The following KCNQ4 variants were observed in gnomAD, a reference collection of about 807,000 sequenced individuals.
KCNQ4 encodes the protein potassium voltage-gated channel subfamily KQT member 4.
In KCNQ4, 31 loss-of-function variants were observed where a neutral mutation model predicts 72.6. The ratio of observed to expected loss-of-function variants is 0.43; its 90% CI spans 0.32 to 0.58. The LOEUF (loss-of-function observed/expected upper bound fraction) is 0.58. Ranked by LOEUF, KCNQ4 falls within the 20% of genes least tolerant of loss-of-function variation. KCNQ4 has a pLI of 0.08. For missense variants in KCNQ4, 869 were observed against 962.6 expected, an observed-to-expected ratio of 0.90 and a Z score of 1.29; for synonymous variants, 405 against 403.7, an observed-to-expected ratio of 1.00 and a Z score of -0.04.
intron 1 of KCNQ4, among the ~76,000 whole-genome samples, chr1:40,803,334 A>G (rs1647641217): frequency 6.6e-6 from 1 of 152,088 alleles, no homozygotes; most frequent in Non-Finnish European, 1.5e-5. Flanking sequence ...ATAAGCTGAG[A>G]CTCAGACACA....
At chr1:40,820,684 T>C (rs1648261987) in intron 7 of KCNQ4, among the ~76,000 whole-genome samples, 1 of 152,198 alleles carries the variant, frequency 6.6e-6, no homozygotes. Flanking sequence ...GAAGAGAGGA[T>C]GGTGCAGACA....
chr1:40,797,759 G>T (rs972403234), intron 1 of KCNQ4, among the ~76,000 whole-genome samples: 1 of 152,070 alleles, frequency 6.6e-6, no homozygotes, highest in Non-Finnish European at 1.5e-5. Flanking sequence ...CCTGCTCAGG[G>T]CCTGGCTCAA....
intron 1 of KCNQ4, among the ~76,000 whole-genome samples, chr1:40,802,634 C>CG (rs1647619385): frequency 6.6e-6 from 1 of 152,090 alleles, no homozygotes; most frequent in African/African-American, 2.4e-5. Flanking sequence ...GAGAAGGAGC[C>CG]CGGGCGGGGG....
chr1:40,819,604 C>T, intron 5 of KCNQ4, 132 bp downstream of exon 5: 1 of 1,234,266 alleles, frequency 8.1e-7, no homozygotes, highest in South Asian at 1.4e-5. Context: ...GAGCTGGGAC[C>T]CCCCTGAGAC....
At chr1:40,830,620 C>G (rs1316522650) in intron 9 of KCNQ4, among the ~76,000 whole-genome samples, 2 of 152,146 alleles carry the variant, frequency 1.3e-5, no homozygotes, top group Non-Finnish European at 2.9e-5. Context: ...CAGCCTGCCC[C>G]TGTGTACAGT....
At position 40,783,789 on chromosome 1, in the gene KCNQ4, C is replaced by T. The variant is rs1208308781; in HGVS notation, c.-305C>T. 1 of 151,840 alleles carries T rather than the reference C, an allele frequency of 6.6e-6. No individual in the cohort carries two copies. The highest frequency in any genetic ancestry group is 1.5e-5 in the Non-Finnish European group (1 of 67,986). 9.4% of individuals were successfully genotyped at this position (151,840 alleles called of 1,614,324 possible). A position where few individuals can be genotyped will look rare whatever the true frequency, so the allele number is the denominator to read the frequency against. ...GGAGGGGCGGGGCGGGGGAGGGTGA[C>T]ATGTGAGCGGCGCGCGCCGGTGGCA... On this transcript the variant is annotated 5_prime_UTR_variant, in exon 1 of 14. Coordinates refer to ENST00000347132, the MANE Select transcript of KCNQ4 (RefSeq NM_004700.4). This position sits in a 1 kb window ranked among gnomAD's most constrained non-coding sequence, Gnocchi z 4.4.
chr1:40,834,956 TC>T lies in KCNQ4; in HGVS notation c.1614-6del. On this transcript the variant is annotated splice_polypyrimidine_tract_variant and intron_variant, in intron 11 of 13. Coordinates refer to ENST00000347132, the MANE Select transcript of KCNQ4 (RefSeq NM_004700.4). Reference sequence around the variant, plus strand: ...AACAGGACACTCCCTCTGAGCCCCCTCCCCCAACAGGATTCTCAAGTTCCTG... The same window carrying T: ...AACAGGACACTCCCTCTGAGCCCCCTCCCCAACAGGATTCTCAAGTTCCTG... 1 of 1,612,208 alleles carries T rather than the reference TC, an allele frequency of 6.2e-7. No individual in the cohort carries two copies.
At chr1:40,790,622 G>A (rs1369004367) in intron 1 of KCNQ4, among the ~76,000 whole-genome samples, 1 of 152,236 alleles carries the variant, frequency 6.6e-6, no homozygotes, top group Non-Finnish European at 1.5e-5. Context: ...GTGAGGCTGG[G>A]TGAGGGGATG....
rs767596088 is a variant in KCNQ4 at position 40,837,843 on chromosome 1, G to A, written c.1875+49G>A. On this transcript the variant is annotated intron_variant, in intron 13 of 13. Transcript: ENST00000347132. ...AGCTGGCCATACCAAGAAGCTCTGG[G>A]GGCCGCGGTGACATGGGGAGGATGC... 1.1e-5 allele frequency: 18 copies of A among 1,575,852 alleles called. No individual in the cohort carries two copies. In the East Asian group the frequency reaches 4.1e-4, roughly 36 times the overall value.
intron 11 of KCNQ4, among the ~76,000 whole-genome samples, chr1:40,834,098 C>A (rs912452816): frequency 6.6e-6 from 1 of 151,862 alleles, no homozygotes; most frequent in African/African-American, 2.4e-5. Context: ...CCTTTTCACC[C>A]ATCCATTCTC....
chr1:40,813,236 C>T (rs151314730), intron 1 of KCNQ4, among the ~76,000 whole-genome samples: 1 of 152,212 alleles, frequency 6.6e-6, no homozygotes, highest in Non-Finnish European at 1.5e-5. Context: ...GGAAGTCCGA[C>T]GAGAGTTTTG....
intron 1 of KCNQ4, among the ~76,000 whole-genome samples, chr1:40,796,889 G>C (rs1179963386): frequency 2.6e-5 from 4 of 151,412 alleles, no homozygotes; most frequent in Non-Finnish European, 2.9e-5. Flanking sequence ...CTGCACTCCA[G>C]CCTGGATGAC....
At position 40,817,786 on chromosome 1, in the gene KCNQ4, T is replaced by G. The variant is rs1205234645; in HGVS notation, c.406-378T>G. On this transcript the variant is annotated intron_variant, in intron 2 of 13. Transcript: ENST00000347132. This position sits in a 1 kb window ranked among gnomAD's most constrained non-coding sequence, Gnocchi z 5.5. ...AACTCCACGTGTGGTGGATTTTAGG[T>G]CAGTTTTTGCCTAAACACAAAACAC... Among the ~76,000 whole-genome samples, 1 of 152,186 alleles carries G rather than the reference T, an allele frequency of 6.6e-6. No individual in the cohort carries two copies.
rs1360417138 is a variant in KCNQ4 at position 40,784,267 on chromosome 1, C to T, written c.174C>T (p.Leu58=). 1.3e-6 allele frequency: 2 copies of T among 1,507,210 alleles called. No individual in the cohort carries two copies. The highest frequency in any genetic ancestry group is 2.1e-5 in the Admixed American group (1 of 47,124). 93.4% of individuals were successfully genotyped at this position (1,507,210 alleles called of 1,614,324 possible). ...GCCCCCTGCCGCCGGGCGCGCCCCT[C>T]CCTGGGCCGGGCTCCGGCTCGGGCT... is the stretch of plus-strand genomic sequence containing the variant. ...LGSPLPPGAP[L]PGPGSGSGSA... is the part of the protein sequence containing the mutation. Residue 58 remains leucine, a synonymous_variant, in exon 1 of 14, where the codon CTC becomes CTT. Transcript: ENST00000347132. The surrounding 1 kb of genome is among the most constrained non-coding windows in gnomAD (Gnocchi z 4.1).
chr1:40,800,866 C>T (rs1341722905), intron 1 of KCNQ4, among the ~76,000 whole-genome samples: 1 of 152,214 alleles, frequency 6.6e-6, no homozygotes, highest in Non-Finnish European at 1.5e-5. Flanking sequence ...AAAGAAGCTC[C>T]TCTATTCAAA....
At chr1:40,801,826 G>A (rs1647582648) in intron 1 of KCNQ4, among the ~76,000 whole-genome samples, 1 of 152,316 alleles carries the variant, frequency 6.6e-6, no homozygotes, top group African/African-American at 2.4e-5. Context: ...GGCCCTCGGG[G>A]CCAGGACCTG....
intron 1 of KCNQ4, among the ~76,000 whole-genome samples, chr1:40,816,794 A>G (rs1338957471): frequency 1.3e-5 from 2 of 152,206 alleles, no homozygotes; most frequent in Non-Finnish European, 2.9e-5. Flanking sequence ...AATTCTGCAG[A>G]TGAGGCCAGG....
chr1:40,818,536 C>T lies in KCNQ4; in HGVS notation c.564C>T (p.Val188=). 2 of 1,602,744 alleles carry T rather than the reference C, an allele frequency of 1.2e-6. No individual in the cohort carries two copies. Among genetic ancestry groups the T allele is most frequent in the Non-Finnish European group, 1.7e-6 (2 of 1,179,860 alleles). ...DFIVFVASVA[V]IAAGTQGNIF... is the part of the protein sequence containing the mutation. ...TCGTGTTCGTGGCCTCGGTGGCCGT[C>T]ATCGCCGCGGGTACCCAGGGCAACA... Residue 188 remains valine (V), a synonymous_variant, in exon 4 of 14, where the codon GTC becomes GTT. Transcript: ENST00000347132.
In KCNQ4 at chr1:40,813,733, C is replaced by CTTGTTT. The variant is rs550707773; in HGVS notation, c.315-3504_315-3499dup. On this transcript the variant is annotated intron_variant, in intron 1 of 13. Transcript: ENST00000347132. ...GGGGCAGGATCCAAAGTGGGCTTTTCTTGTTTTTGTTTTTGTTTTTGTTTT... is the reference window on the plus strand; with the variant it reads ...GGGGCAGGATCCAAAGTGGGCTTTTCTTGTTTTTGTTTTTGTTTTTGTTTTTGTTTT... 4.4e-3 allele frequency among the ~76,000 whole-genome samples: 665 copies of CTTGTTT among 151,814 alleles called. 3 individuals are homozygous for CTTGTTT. Among genetic ancestry groups the CTTGTTT allele is most frequent in the South Asian group, 0.017 (83 of 4,772 alleles).
Sources: gnomAD v4.1 joint callset for allele counts (sites outside exome capture counted in the v4.1 genomes callset) on GRCh38, gnomAD v4.1.1 for gene constraint, Gnocchi (gnomAD v3.1) non-coding constraint, MANE v1.5 for transcripts, NCBI Gene and HGNC (gene_info 2026-07-23, HGNC 2026-07-21) for gene names.